Variants in WDFY4 observed in about 807,000 individuals in gnomAD.
WDFY4 encodes the protein WDFY family member 4.
A neutral mutation model predicts 351.9 loss-of-function variants in WDFY4; 169 were observed. The observed-to-expected ratio is 0.48, with a 90% CI of 0.42 to 0.55. The LOEUF (loss-of-function observed/expected upper bound fraction) is 0.55, where lower values mean the gene tolerates loss of function less well. Ranked by LOEUF, WDFY4 falls within the 20% of genes least tolerant of loss-of-function variation. The pLI, the probability that WDFY4 is intolerant of heterozygous loss-of-function variation, is 0.00. For missense variants in WDFY4, 3,803 were observed against 3,935.6 expected (o/e 0.97, Z 0.90); for synonymous variants, 1,622 against 1,574.6 (o/e 1.03, Z -0.71).
intron 47 of WDFY4, among the ~76,000 whole-genome samples, chr10:48,922,437 GA>G (rs1337190456): frequency 1.2e-4 from 18 of 152,076 alleles, no homozygotes; most frequent in Non-Finnish European, 4.4e-5. Flanking sequence ...TTGACTTGGG[GA>G]AAAAAACAAA....
At chr10:48,971,511 T>TACA (rs1252304094) in intron 57 of WDFY4, among the ~76,000 whole-genome samples, 1 of 150,862 alleles carries the variant, frequency 6.6e-6, no homozygotes, top group African/African-American at 2.5e-5. Flanking sequence ...AAAAAAAAAT[T>TACA]CACCACTGAC....
rs73308070 is a variant in WDFY4, at chr10:48,779,449, C to T, written c.3398-492C>T. On this transcript the variant is annotated intron_variant, in intron 18 of 61. Coordinates refer to ENST00000325239, the MANE Select transcript of WDFY4 (RefSeq NM_001394531.1). The stretch of plus-strand genomic sequence containing the variant: ...CTTCTCCTGTGTCCTGAGAGTGTCA[C>T]TGTTTCATAGGGAAAAACATTGGGA... Among the ~76,000 whole-genome samples the T allele has an allele frequency of 7.2e-3, 1,096 of 152,362 alleles. 13 individuals are homozygous for T. Among genetic ancestry groups the T allele is most frequent in the African/African-American group, 0.025 (1,037 of 41,588 alleles).
chr10:48,791,360 T>C (rs2066674096), intron 23 of WDFY4, among the ~76,000 whole-genome samples: 1 of 152,206 alleles, frequency 6.6e-6, no homozygotes. Flanking sequence ...GCAGTGAGGA[T>C]TAGATGATTT....
At chr10:48,823,861 T>C in intron 35 of WDFY4, 1 of 986,470 alleles carries the variant, frequency 1.0e-6, no homozygotes, top group Non-Finnish European at 1.2e-6. Flanking sequence ...GAGACCCATC[T>C]GAGGAGCAGG....
intron 51 of WDFY4, among the ~76,000 whole-genome samples, chr10:48,950,937 G>C (rs1319708266): frequency 6.6e-6 from 1 of 152,232 alleles, no homozygotes. Context: ...GTCACGTACT[G>C]TATGCCTGTG....
chr10:48,747,559 TC>T (rs2065051812), intron 12 of WDFY4, among the ~76,000 whole-genome samples: 1 of 152,208 alleles, frequency 6.6e-6, no homozygotes, highest in East Asian at 1.9e-4. Flanking sequence ...TGTACTCTGT[TC>T]CACACAGTTT....
intron 47 of WDFY4, among the ~76,000 whole-genome samples, chr10:48,926,661 ATGTACCATATATAT>A (rs1839596369): frequency 6.6e-6 from 1 of 152,166 alleles, no homozygotes; most frequent in Non-Finnish European, 1.5e-5. Context: ...ATTTTCATAG[ATGTACCATATATAT>A]GTGGGTATAT....
chr10:48,918,821 C>G (rs1838785498), intron 47 of WDFY4, among the ~76,000 whole-genome samples: 1 of 152,158 alleles, frequency 6.6e-6, no homozygotes, highest in Non-Finnish European at 1.5e-5. Flanking sequence ...AGAGTAAGGC[C>G]AGAAGATTCT....
At chr10:48,883,232 T>C (rs1187628342) in intron 43 of WDFY4, among the ~76,000 whole-genome samples, 2 of 152,210 alleles carry the variant, frequency 1.3e-5, no homozygotes, top group African/African-American at 4.8e-5. Context: ...CCTGCCCTCC[T>C]GCATGTGCCT....
chr10:48,815,228 A>T (rs2067581500), intron 31 of WDFY4, among the ~76,000 whole-genome samples: 1 of 152,184 alleles, frequency 6.6e-6, no homozygotes, highest in Admixed American at 6.5e-5. Flanking sequence ...CCCCATCCTC[A>T]CAGCCTCAAC....
rs1841033410 is a variant in WDFY4, at chr10:48,946,156, A to G, written c.7866A>G (p.Glu2622=). ...GGTTTAAAGAAGTTGAGAAAACTGA[A>G]GGTGAGTAGATCCAGCTTGATTTTT... ...IQRFKEVEKT[E]GDMTVQCHYY... is the part of the protein sequence containing the mutation. The change falls in exon 50 of 62, where the codon GAA becomes GAG. Residue 2622 remains glutamate (E), a splice_region_variant and synonymous_variant. Transcript: ENST00000325239. The G allele has an allele frequency of 6.5e-7, 1 of 1,544,672 alleles. No homozygotes were observed. The highest frequency in any genetic ancestry group is 2.5e-5 in the East Asian group (1 of 40,750).
rs1374996404 is a variant in WDFY4 at position 48,775,661 on chromosome 10, A to G, written c.2769-51A>G. 6.0e-6 allele frequency: 9 copies of G among 1,503,882 alleles called. No homozygotes were observed. In the East Asian group the frequency reaches 1.7e-4, roughly 29 times the overall value. The allele number at this position is 1,503,882 out of a possible 1,614,324, so 93.2% of individuals were successfully genotyped here. A position where few individuals can be genotyped will look rare whatever the true frequency, so the allele number is the denominator to read the frequency against. On this transcript the variant is annotated intron_variant, in intron 14 of 61. Transcript: ENST00000325239. ...AGTTGTCAGGATAAAGTTGGAGAAC[A>G]CTGTTGCTAGTAAAATGTCTTCATT...
intron 51 of WDFY4, 80 bp from the exon 52 acceptor site, chr10:48,957,049 C>T: frequency 6.6e-7 from 1 of 1,504,062 alleles, no homozygotes; most frequent in Non-Finnish European, 8.9e-7. Flanking sequence ...ACCCGTGCCT[C>T]TGAGGCAGAA....
In WDFY4 at chr10:48,726,000, G is replaced by A. The variant is rs1202343166; in HGVS notation, c.711G>A (p.Lys237=). 6.4e-7 allele frequency: 1 copy of A among 1,551,620 alleles called. No individual in the cohort carries two copies. Among genetic ancestry groups the A allele is most frequent in the African/African-American group, 1.4e-5 (1 of 73,060 alleles). Residue 237 remains lysine (K), a synonymous_variant, in exon 6 of 62, where the codon AAG becomes AAA. Transcript: ENST00000325239. The stretch of plus-strand genomic sequence containing the variant: ...GGGAGCACAGCTGCTGCTTCTGGAA[G>A]GAACCCACCTTCTGCGTGCTAAGGG... ...CLREHSCCFW[K]EPTFCVLRAI... is the part of the protein sequence containing the mutation.
intron 1 of WDFY4, among the ~76,000 whole-genome samples, chr10:48,702,005 G>A (rs1047416222): frequency 1.3e-5 from 2 of 152,152 alleles, no homozygotes; most frequent in African/African-American, 4.8e-5. Flanking sequence ...CTCTGTACAT[G>A]TTTTCTTAAA....
Position 48,873,541 on chromosome 10 carries a change from G to C in WDFY4, c.6792G>C (p.Gln2264His). ...CAGCCAACGCCTGGGCCAGGATCCA[G>C]GAGCAGCTTTTTGGGGAGCTGGGCT... ...IKAANAWARI[Q>H]EQLFGELGLW... The change falls in exon 41 of 62, where the codon CAG becomes CAC. Residue 2264 changes from glutamine (Q) to histidine (H), a missense_variant. Gln to His is a conservative substitution (Grantham distance 24). Transcript: ENST00000325239. 6.4e-7 allele frequency: 1 copy of C among 1,551,730 alleles called. No individual in the cohort carries two copies. Among genetic ancestry groups the C allele is most frequent in the Non-Finnish European group, 8.7e-7 (1 of 1,146,986 alleles).
Position 48,693,406 on chromosome 10 carries a change from C to A in WDFY4, c.-18+8405C>A, listed in dbSNP as rs555749506. ...GGGCAGGCCCAGAGGACCTGTGTCA[C>A]CCAAGCAAGTGGCATTCTCAGGCCC... On this transcript the variant is annotated intron_variant, in intron 1 of 61. Coordinates refer to ENST00000325239, the MANE Select transcript of WDFY4 (RefSeq NM_001394531.1). Among the ~76,000 whole-genome samples the A allele has an allele frequency of 6.6e-5, 10 of 152,320 alleles. No homozygotes were observed. The East Asian group carries it at 1.9e-3, about 29-fold the overall frequency.
intron 2 of WDFY4, among the ~76,000 whole-genome samples, chr10:48,717,219 A>G (rs999993367): frequency 7.2e-5 from 11 of 152,198 alleles, no homozygotes; most frequent in African/African-American, 2.7e-4. Flanking sequence ...AGTCATTGTT[A>G]CTGTGTATCG....
chr10:48,888,285 C>T (rs2070549991), intron 43 of WDFY4, among the ~76,000 whole-genome samples: 1 of 146,124 alleles, frequency 6.8e-6, no homozygotes, highest in Non-Finnish European at 1.5e-5. Context: ...CTCCCCTCCC[C>T]CTCCCTCCCT....
Sources: allele counts gnomAD v4.1 joint callset (sites outside exome capture counted in the v4.1 genomes callset), GRCh38; gene constraint gnomAD v4.1.1; transcripts MANE v1.5; gene names NCBI Gene and HGNC (gene_info 2026-07-23, HGNC 2026-07-21).